The following TMEM132B variants were observed in gnomAD, a reference collection of about 807,000 sequenced individuals.
TMEM132B encodes transmembrane protein 132B.
TMEM132B carries 18 observed loss-of-function variants against 90.8 expected under a neutral mutation model. The observed-to-expected ratio is 0.20, with a 90% CI of 0.14 to 0.29. TMEM132B has a LOEUF of 0.29. Among genes scored for constraint, TMEM132B ranks in the 10% least tolerant of loss-of-function variants. The pLI is 1.00. For synonymous variants in TMEM132B, 504 were observed against 523.3 expected, an observed-to-expected ratio of 0.96 and a Z score of 0.50; for missense variants, 1,096 against 1,326.8, an observed-to-expected ratio of 0.83 and a Z score of 2.70.
chr12:125,222,843 G>A (rs542452408), intron 1 of TMEM132B, among the ~76,000 whole-genome samples: 2 of 152,312 alleles, frequency 1.3e-5, no homozygotes, highest in Admixed American at 1.3e-4. Flanking sequence ...TCCCTGGGGG[G>A]CAAGATTGCC....
intron 3 of TMEM132B, among the ~76,000 whole-genome samples, chr12:125,518,179 C>T (rs933565296): frequency 5.3e-5 from 8 of 152,262 alleles, no homozygotes; most frequent in Middle Eastern, 3.4e-3. Context: ...TTCCAGTGTT[C>T]CTCTGATACC....
At chr12:125,228,367 C>T (rs1873729846) in intron 1 of TMEM132B, among the ~76,000 whole-genome samples, 1 of 152,144 alleles carries the variant, frequency 6.6e-6, no homozygotes, top group South Asian at 2.1e-4. Context: ...GGATTTGGCC[C>T]TGGGCTCTTG....
At chr12:125,594,263 A>G (rs1885387268) in intron 5 of TMEM132B, among the ~76,000 whole-genome samples, 1 of 152,210 alleles carries the variant, frequency 6.6e-6, no homozygotes, top group African/African-American at 2.4e-5. Flanking sequence ...ACTGAGTAGT[A>G]TTCCACTGTT....
intron 1 of TMEM132B, among the ~76,000 whole-genome samples, chr12:125,240,795 G>T (rs1312663847): frequency 6.6e-6 from 1 of 152,182 alleles, no homozygotes; most frequent in African/African-American, 2.4e-5. Flanking sequence ...GTGTGATTAC[G>T]GACTCTGTGG....
intron 5 of TMEM132B, among the ~76,000 whole-genome samples, chr12:125,638,354 T>C (rs1015803095): frequency 5.3e-5 from 8 of 152,196 alleles, no homozygotes; most frequent in African/African-American, 1.9e-4. Context: ...ATACATGATA[T>C]ATATTATTAT....
rs1037645487 is a variant in TMEM132B at position 125,397,081 on chromosome 12, C to T, written c.960-18450C>T. 4.0e-4 allele frequency among the ~76,000 whole-genome samples: 61 copies of T among 152,050 alleles called. 1 individual carries two copies. The highest frequency in any genetic ancestry group is 2.4e-4 in the Non-Finnish European group (16 of 68,018). On this transcript the variant is annotated intron_variant, in intron 2 of 8. Transcript: ENST00000682704. Reference sequence around the variant, plus strand: ...CCCCCTCCCAGGTTCAAGCAATTCCCCTGCCTCAGCCTCCCAGTTAGCTGG... The same window carrying T: ...CCCCCTCCCAGGTTCAAGCAATTCCTCTGCCTCAGCCTCCCAGTTAGCTGG...
intron 5 of TMEM132B, among the ~76,000 whole-genome samples, chr12:125,593,121 G>A (rs917059): frequency 0.56 from 84,795 of 152,022 alleles, 25,762 homozygotes; most frequent in Middle Eastern, 0.74. Context: ...TGGGAGCTGC[G>A]CAGCTAAGAA....
intron 4 of TMEM132B, among the ~76,000 whole-genome samples, chr12:125,524,624 G>A (rs538405132): frequency 6.6e-6 from 1 of 152,348 alleles, no homozygotes; most frequent in East Asian, 1.9e-4. Flanking sequence ...CATTGGCCTG[G>A]CATACTGCAT....
At chr12:125,528,734 A>T (rs1048773233) in intron 4 of TMEM132B, among the ~76,000 whole-genome samples, 5 of 152,210 alleles carry the variant, frequency 3.3e-5, no homozygotes, top group African/African-American at 1.2e-4. Flanking sequence ...TTAACTACTA[A>T]TAGACTACTG....
intron 5 of TMEM132B, among the ~76,000 whole-genome samples, chr12:125,623,241 A>G (rs964485274): frequency 1.3e-5 from 2 of 152,172 alleles, no homozygotes; most frequent in African/African-American, 2.4e-5. Context: ...TCCCTATGCC[A>G]TGAAATAAAT....
intron 1 of TMEM132B, among the ~76,000 whole-genome samples, chr12:125,344,024 A>G (rs1034441881): frequency 2.6e-5 from 4 of 152,224 alleles, no homozygotes; most frequent in Non-Finnish European, 5.9e-5. Context: ...GCAAATATCT[A>G]TTTAATTTCT....
intron 2 of TMEM132B, among the ~76,000 whole-genome samples, chr12:125,388,277 A>G (rs141375535): frequency 6.6e-6 from 1 of 152,032 alleles, no homozygotes; most frequent in Admixed American, 6.6e-5. Flanking sequence ...AAAATACACA[A>G]AAGTAGCTGG....
At chr12:125,299,844 C>T (rs2136159793) in intron 1 of TMEM132B, among the ~76,000 whole-genome samples, 1 of 152,328 alleles carries the variant, frequency 6.6e-6, no homozygotes, top group Non-Finnish European at 1.5e-5. Flanking sequence ...GGCCTGCGTC[C>T]CCCACTTGCC....
intron 3 of TMEM132B, among the ~76,000 whole-genome samples, chr12:125,483,593 AG>A (rs996435776): frequency 3.3e-5 from 5 of 152,224 alleles, no homozygotes; most frequent in Non-Finnish European, 7.3e-5. Context: ...TCAACTAGAC[AG>A]GGACTATTGC....
chr12:125,566,273 A>G (rs1884655760), intron 4 of TMEM132B, among the ~76,000 whole-genome samples: 1 of 152,158 alleles, frequency 6.6e-6, no homozygotes, highest in Non-Finnish European at 1.5e-5. Context: ...TGAATTGCAG[A>G]TATTGGGGGT....
intron 3 of TMEM132B, among the ~76,000 whole-genome samples, chr12:125,493,997 T>C (rs542021469): frequency 5.7e-4 from 73 of 127,982 alleles, no homozygotes; most frequent in African/African-American, 2.2e-3. Flanking sequence ...TCCCTGGAAA[T>C]GGATGCGTCC....
At chr12:125,484,930 C>T (rs1882162453) in intron 3 of TMEM132B, among the ~76,000 whole-genome samples, 1 of 152,050 alleles carries the variant, frequency 6.6e-6, no homozygotes, top group Non-Finnish European at 1.5e-5. Context: ...TCCACCTTTT[C>T]TCTTAAACTG....
In TMEM132B at chr12:125,280,199, A is replaced by C. The variant is rs900926265; in HGVS notation, c.68-69253A>C. Among the ~76,000 whole-genome samples the C allele has an allele frequency of 3.9e-5, 6 of 152,356 alleles. No homozygotes were observed. In the East Asian group the frequency reaches 1.2e-3, roughly 29 times the overall value. On this transcript the variant is annotated intron_variant, in intron 1 of 8. Coordinates refer to ENST00000682704, the MANE Select transcript of TMEM132B (RefSeq NM_001366854.1). The stretch of plus-strand genomic sequence containing the variant: ...CAGTGCCTTCTTGGAAACTAGCTTT[A>C]GTCTAAAGAAGTTAAATAAGGAGGA...
At chr12:125,614,713 A>C (rs1309993580) in intron 5 of TMEM132B, among the ~76,000 whole-genome samples, 1 of 152,148 alleles carries the variant, frequency 6.6e-6, no homozygotes, top group African/African-American at 2.4e-5. Flanking sequence ...GCAGTCTGAA[A>C]TTTTCTGAAA....
Sources: allele counts gnomAD v4.1 joint callset (sites outside exome capture counted in the v4.1 genomes callset), GRCh38; gene constraint gnomAD v4.1.1; transcripts MANE v1.5; gene names NCBI Gene and HGNC (gene_info 2026-07-23, HGNC 2026-07-21).